The following SLC39A12 variants were observed in gnomAD, a reference collection of about 807,000 sequenced individuals.
The protein encoded by SLC39A12 is zinc transporter ZIP12.
SLC39A12 carries 63 observed loss-of-function variants against 71.1 expected under a neutral mutation model. That is an observed-to-expected ratio of 0.89 (90% CI 0.72 to 1.09). The LOEUF is 1.09. SLC39A12 is among the 50% of genes least tolerant of loss of function. The probability of loss-of-function intolerance (pLI) is 0.00; values close to 1 mark genes in which losing one functional copy is unlikely to be tolerated. For synonymous variants in SLC39A12, 351 were observed against 301.3 expected (o/e 1.16, Z -1.71); for missense variants, 892 against 812.6 (o/e 1.10, Z -1.19).
chr10:18,018,087 C>T (rs563515629), intron 12 of SLC39A12, among the ~76,000 whole-genome samples: 6 of 152,198 alleles, frequency 3.9e-5, no homozygotes, highest in Admixed American at 6.5e-5. Flanking sequence ...TCCTCATGTA[C>T]GTCTTGTGCA....
At chr10:18,008,591 C>T (rs1201649757) in intron 12 of SLC39A12, 1 of 152,196 alleles carries the variant, frequency 6.6e-6, no homozygotes, top group East Asian at 1.9e-4. Context: ...TCCATGAAAC[C>T]AGTCCCTGGT....
intron 12 of SLC39A12, among the ~76,000 whole-genome samples, chr10:18,041,183 G>A (rs1169015546): frequency 6.6e-6 from 1 of 152,040 alleles, no homozygotes; most frequent in East Asian, 1.9e-4. Context: ...AATACACCTT[G>A]GGGCACTTCA....
At chr10:18,010,735 C>T (rs1466402556) in intron 12 of SLC39A12, among the ~76,000 whole-genome samples, 1 of 152,144 alleles carries the variant, frequency 6.6e-6, no homozygotes, top group Non-Finnish European at 1.5e-5. Context: ...TCAGATCATA[C>T]ACACACATAC....
At chr10:17,995,418 A>G (rs1835658838) in intron 9 of SLC39A12, among the ~76,000 whole-genome samples, 1 of 152,220 alleles carries the variant, frequency 6.6e-6, no homozygotes, top group Non-Finnish European at 1.5e-5. Flanking sequence ...TCTCTATGGA[A>G]GATTCTGATC....
intron 4 of SLC39A12, among the ~76,000 whole-genome samples, chr10:17,967,680 A>G (rs1834862464): frequency 1.3e-5 from 2 of 151,814 alleles, no homozygotes; most frequent in South Asian, 4.2e-4. Context: ...TCAGGAGATC[A>G]AGACCATCCT....
intron 7 of SLC39A12, among the ~76,000 whole-genome samples, chr10:17,989,486 A>G (rs552794590): frequency 5.8e-4 from 89 of 152,344 alleles, no homozygotes; most frequent in African/African-American, 2.0e-3. Context: ...AAAGGCTCTC[A>G]GGTCAGCCTG....
chr10:18,036,802 T>TAATGGAATCTCACTC (rs1837061024), intron 12 of SLC39A12, among the ~76,000 whole-genome samples: 1 of 125,178 alleles, frequency 8.0e-6, no homozygotes, highest in Non-Finnish European at 1.6e-5. Context: ...ATATTTTTTT[T>TAATGGAATCTCACTC]TTTAATGGAA....
At chr10:17,989,182 A>C (rs1428268369) in intron 7 of SLC39A12, among the ~76,000 whole-genome samples, 1 of 152,196 alleles carries the variant, frequency 6.6e-6, no homozygotes, top group Non-Finnish European at 1.5e-5. Context: ...TGGTGGACCA[A>C]TGATCCCCAC....
intron 12 of SLC39A12, among the ~76,000 whole-genome samples, chr10:18,024,458 G>A (rs1302664251): frequency 6.6e-6 from 1 of 152,080 alleles, no homozygotes; most frequent in East Asian, 1.9e-4. Context: ...TGTTTCCCTT[G>A]GTGGATACCC....
intron 11 of SLC39A12, 43 bp downstream of exon 11, chr10:18,000,868 A>C (rs1367001772): frequency 6.4e-7 from 1 of 1,567,706 alleles, no homozygotes; most frequent in Non-Finnish European, 8.7e-7. Flanking sequence ...CTGTTGAGAA[A>C]GAAATAACAT....
At chr10:17,962,945 C>T (rs1834729321) in intron 3 of SLC39A12, among the ~76,000 whole-genome samples, 1 of 152,004 alleles carries the variant, frequency 6.6e-6, no homozygotes, top group African/African-American at 2.4e-5. Flanking sequence ...CACTTGAGGC[C>T]AGGAGTTTGG....
At position 18,029,037 on chromosome 10, in the gene SLC39A12, T is replaced by A. The variant is rs542068120; in HGVS notation, c.1948-13668T>A. On this transcript the variant is annotated intron_variant, in intron 12 of 12. Transcript: ENST00000377369. ...GCCCCACCAAAACTTTTTTTTTTTT[T>A]TAATTTTTGTTTTTTAGTAGAGGTG... Among the ~76,000 whole-genome samples, 94 of 149,810 alleles carry A rather than the reference T, an allele frequency of 6.3e-4. 1 individual carries two copies. In the Middle Eastern group the frequency reaches 0.01, roughly 17 times the overall value.
chr10:17,999,256 C>T lies in SLC39A12; in HGVS notation c.1601-1411C>T, dbSNP rs559496407. ...GTTGTAGTGAGCCTAGATCATGCTA[C>T]TGCACTCCAGCCTGGGCAACAAAGC... On this transcript the variant is annotated intron_variant, in intron 10 of 12. Transcript: ENST00000377369. Among the ~76,000 whole-genome samples the T allele has an allele frequency of 2.9e-4, 40 of 136,308 alleles. No homozygotes were observed. The South Asian group carries it at 9.0e-3, about 31-fold the overall frequency. The allele number at this position is 136,308 out of a possible 152,430, so 89.4% of individuals were successfully genotyped here.
chr10:17,997,124 T>G (rs143398748), intron 10 of SLC39A12, among the ~76,000 whole-genome samples: 1,957 of 152,336 alleles, frequency 0.013, 30 homozygotes, highest in Non-Finnish European at 0.015. Context: ...AATGCATTCT[T>G]TCACATTGTT....
intron 6 of SLC39A12, 31 bp from the exon 7 acceptor site, chr10:17,987,448 C>T (rs1835427354): frequency 6.2e-7 from 1 of 1,610,304 alleles, no homozygotes; most frequent in Non-Finnish European, 8.5e-7. Flanking sequence ...GCACTGGGCA[C>T]TGACTGTGTT....
intron 12 of SLC39A12, chr10:18,004,233 A>G (rs1835940374): frequency 6.6e-6 from 1 of 152,208 alleles, no homozygotes; most frequent in Admixed American, 6.5e-5. Flanking sequence ...GGAATATGGC[A>G]AATAAAAATA....
chr10:18,010,889 C>T (rs905061872), intron 12 of SLC39A12, among the ~76,000 whole-genome samples: 1 of 152,198 alleles, frequency 6.6e-6, no homozygotes. Context: ...TCCTCCTCCT[C>T]CTCCGTCCCT....
chr10:18,041,573 C>T (rs1447589694), intron 12 of SLC39A12, among the ~76,000 whole-genome samples: 3 of 114,264 alleles, frequency 2.6e-5, no homozygotes, highest in African/African-American at 9.4e-5. Context: ...CATACACACA[C>T]ACATACATAC....
At chr10:17,972,258 G>A (rs1412544247) in intron 4 of SLC39A12, among the ~76,000 whole-genome samples, 1 of 152,186 alleles carries the variant, frequency 6.6e-6, no homozygotes, top group Non-Finnish European at 1.5e-5. Context: ...CTAACGTATG[G>A]TCTGTCCTTG....
Sources: gnomAD v4.1 joint callset for allele counts (sites outside exome capture counted in the v4.1 genomes callset) on GRCh38, gnomAD v4.1.1 for gene constraint, MANE v1.5 for transcripts, NCBI Gene and HGNC (gene_info 2026-07-23, HGNC 2026-07-21) for gene names.